Variants in KCNQ1 observed in about 807,000 individuals in gnomAD.
The protein encoded by KCNQ1 is potassium voltage-gated channel subfamily KQT member 1.
A neutral mutation model predicts 72.4 loss-of-function variants in KCNQ1; 49 were observed. The observed-to-expected ratio is 0.68, with a 90% CI of 0.54 to 0.86. The LOEUF is 0.86. KCNQ1 is among the 40% of genes least tolerant of loss of function. The probability of loss-of-function intolerance (pLI) is 0.00; values close to 1 mark genes in which losing one functional copy is unlikely to be tolerated. For missense variants in KCNQ1, 790 were observed against 945.1 expected (o/e 0.84, Z 2.15); for synonymous variants, 450 against 412.6 (o/e 1.09, Z -1.10).
At chr11:2,640,583 G>C in intron 10 of KCNQ1, 1 of 389,526 alleles carries the variant, frequency 2.6e-6, no homozygotes. Flanking sequence ...TTTTTTGACC[G>C]ATACATAATA....
chr11:2,794,979 G>A (rs1847101810), intron 15 of KCNQ1, among the ~76,000 whole-genome samples: 1 of 152,214 alleles, frequency 6.6e-6, no homozygotes, highest in South Asian at 2.1e-4. Context: ...GCTGTGCGGG[G>A]AGGAAGGCAA....
intron 15 of KCNQ1, among the ~76,000 whole-genome samples, chr11:2,800,005 G>A (rs376645749): frequency 6.6e-6 from 1 of 152,208 alleles, no homozygotes; most frequent in Non-Finnish European, 1.5e-5. Flanking sequence ...GGGTGGGGTA[G>A]AAGCATGGTG....
At chr11:2,633,246 G>A in intron 10 of KCNQ1, 1 of 398,410 alleles carries the variant, frequency 2.5e-6, no homozygotes, top group Non-Finnish European at 4.4e-6. Flanking sequence ...GGTGTTTTTT[G>A]CTGTTGAATT....
At chr11:2,534,726 T>C (rs75232433) in intron 2 of KCNQ1, among the ~76,000 whole-genome samples, 3,420 of 152,320 alleles carry the variant, frequency 0.022, 120 homozygotes, top group African/African-American at 0.077. Context: ...GCTACCCAGC[T>C]AAGACCGGTC....
rs1846464177 is a variant in KCNQ1 at position 2,764,682 on chromosome 11, T to C, written c.1515-4162T>C. Among the ~76,000 whole-genome samples the C allele has an allele frequency of 6.6e-6, 1 of 152,246 alleles. No homozygotes were observed. Among genetic ancestry groups the C allele is most frequent in the Admixed American group, 6.5e-5 (1 of 15,292 alleles). On this transcript the variant is annotated intron_variant, in intron 11 of 15. Coordinates refer to ENST00000155840, the MANE Select transcript of KCNQ1 (RefSeq NM_000218.3). This position sits in a 1 kb window ranked among gnomAD's most constrained non-coding sequence, Gnocchi z 4.8. Reference sequence around the variant, plus strand: ...TCATTAAAATTCCAAATTTAACTTATTTAATTAATATTGGGCAATTTGGAT... The same window carrying C: ...TCATTAAAATTCCAAATTTAACTTACTTAATTAATATTGGGCAATTTGGAT...
At chr11:2,577,481 C>T (rs1848439280) in intron 6 of KCNQ1, among the ~76,000 whole-genome samples, 1 of 152,338 alleles carries the variant, frequency 6.6e-6, no homozygotes, top group East Asian at 1.9e-4. Context: ...GCCTGGGTGC[C>T]ATGGGGGTGT....
At position 2,481,660 on chromosome 11, in the gene KCNQ1, AGT is replaced by A. The variant is rs1396099382; in HGVS notation, c.386+36178_386+36179del. Among the ~76,000 whole-genome samples, 2 of 152,294 alleles carry A rather than the reference AGT, an allele frequency of 1.3e-5. No homozygotes were observed. The highest frequency in any genetic ancestry group is 4.8e-5 in the African/African-American group (2 of 41,552). ...CGTGAGCTCTGCCTCCTATCAGATC[AGT>A]GGCGGCATTAGATTCTCACAGGGGT... On this transcript the variant is annotated intron_variant, in intron 1 of 15. Coordinates refer to ENST00000155840, the MANE Select transcript of KCNQ1 (RefSeq NM_000218.3). The surrounding 1 kb of genome is among the most constrained non-coding windows in gnomAD (Gnocchi z 4.6).
At chr11:2,461,418 CCGGGG>C in intron 1 of KCNQ1, 1 of 1,277,024 alleles carries the variant, frequency 7.8e-7, no homozygotes, top group South Asian at 1.2e-5. Flanking sequence ...GGTGAGCCGG[CCGGGG>C]CGGGGGTGGC....
At chr11:2,533,049 C>T (rs973385834) in intron 2 of KCNQ1, among the ~76,000 whole-genome samples, 1 of 152,172 alleles carries the variant, frequency 6.6e-6, no homozygotes, top group Non-Finnish European at 1.5e-5. Context: ...CCTTGGGGAA[C>T]CCAGGAGGGG....
chr11:2,673,085 C>T lies in KCNQ1; in HGVS notation c.1514+11004C>T, dbSNP rs567126346. The T allele has an allele frequency of 5.0e-6, 2 of 398,878 alleles. No individual in the cohort carries two copies. The highest frequency in any genetic ancestry group is 4.4e-5 in the Admixed American group (1 of 22,738). The allele number at this position is 398,878 out of a possible 1,614,324, so 24.7% of individuals were successfully genotyped here. On this transcript the variant is annotated intron_variant, in intron 11 of 15. Transcript: ENST00000155840. This position sits in a 1 kb window ranked among gnomAD's most constrained non-coding sequence, Gnocchi z 4.5. The stretch of plus-strand genomic sequence containing the variant: ...AGTTGGCTTCTCAGGCCACAGTAGG[C>T]CTTCACGGTACTCAGCAGGAGACCC...
chr11:2,685,671 G>A (rs1850475678), intron 11 of KCNQ1: 1 of 398,628 alleles, frequency 2.5e-6, no homozygotes, highest in African/African-American at 2.1e-5. Context: ...AGAAGTTCAG[G>A]GGTCCCATGT....
chr11:2,800,118 G>T (rs1370038947), intron 15 of KCNQ1, among the ~76,000 whole-genome samples: 1 of 152,176 alleles, frequency 6.6e-6, no homozygotes, highest in Non-Finnish European at 1.5e-5. Context: ...ACAGTTCCCA[G>T]GGCTCTGACC....
chr11:2,612,074 A>C lies in KCNQ1; in HGVS notation c.1393+23220A>C, dbSNP rs1589981016. 11 of 398,580 alleles carry C rather than the reference A, an allele frequency of 2.8e-5. No individual in the cohort carries two copies. The East Asian group carries it at 3.6e-4, about 13-fold the overall frequency. The allele number at this position is 398,580 out of a possible 1,614,324, so 24.7% of individuals were successfully genotyped here. ...TATGTTACAACTTAATTACACATAC[A>C]TTGTTACACATCCTGTTAGGACAGG... On this transcript the variant is annotated intron_variant, in intron 10 of 15. Coordinates refer to ENST00000155840, the MANE Select transcript of KCNQ1 (RefSeq NM_000218.3). The surrounding 1 kb of genome is among the most constrained non-coding windows in gnomAD (Gnocchi z 5.5).
At position 2,621,297 on chromosome 11, in the gene KCNQ1, T is replaced by C. The variant is rs1849168289; in HGVS notation, c.1393+32443T>C. ...CTGGCCTCATTATTTGCATTTCTGA[T>C]TATTAGTGATCATGAGAATGTTTTT... On this transcript the variant is annotated intron_variant, in intron 10 of 15. Coordinates refer to ENST00000155840, the MANE Select transcript of KCNQ1 (RefSeq NM_000218.3). This position sits in a 1 kb window ranked among gnomAD's most constrained non-coding sequence, Gnocchi z 5.7. 6 of 398,512 alleles carry C rather than the reference T, an allele frequency of 1.5e-5. No individual in the cohort carries two copies. Among genetic ancestry groups the C allele is most frequent in the Non-Finnish European group, 2.7e-5 (6 of 226,010 alleles). The allele number at this position is 398,512 out of a possible 1,614,324, so 24.7% of individuals were successfully genotyped here. A position where few individuals can be genotyped will look rare whatever the true frequency, so the allele number is the denominator to read the frequency against.
Position 2,700,096 on chromosome 11 carries a change from G to A in KCNQ1, c.1514+38015G>A, listed in dbSNP as rs1456812498. 7.5e-6 allele frequency: 3 copies of A among 397,794 alleles called. No individual in the cohort carries two copies. The Admixed American group carries it at 1.3e-4, about 18-fold the overall frequency. The allele number at this position is 397,794 out of a possible 1,614,324, so 24.6% of individuals were successfully genotyped here. ...CGGCAGCAGGGGAAGGCTTGCGGCG[G>A]GCTGCTGCACGGATTGGCTGGGTGC... On this transcript the variant is annotated intron_variant, in intron 11 of 15. Transcript: ENST00000155840.
chr11:2,485,877 T>G (rs1182282073), intron 1 of KCNQ1, among the ~76,000 whole-genome samples: 2 of 152,248 alleles, frequency 1.3e-5, no homozygotes, highest in Admixed American at 1.3e-4. Flanking sequence ...AATTTCCTTT[T>G]CCTTTTCAAG....
chr11:2,606,424 C>A (rs183198059), intron 10 of KCNQ1, among the ~76,000 whole-genome samples: 3 of 152,066 alleles, frequency 2.0e-5, no homozygotes, highest in Non-Finnish European at 4.4e-5. Flanking sequence ...GTACCATCCC[C>A]GTGGTAATGA....
chr11:2,737,885 A>G (rs1845985833), intron 11 of KCNQ1, among the ~76,000 whole-genome samples: 1 of 152,166 alleles, frequency 6.6e-6, no homozygotes, highest in Non-Finnish European at 1.5e-5. Flanking sequence ...AGTGGGCTGG[A>G]GGCAGGGAAA....
At chr11:2,556,607 GA>G (rs1366055029) in intron 2 of KCNQ1, among the ~76,000 whole-genome samples, 29 of 152,226 alleles carry the variant, frequency 1.9e-4, no homozygotes, top group African/African-American at 6.5e-4. Flanking sequence ...TGGCTTTAGA[GA>G]AAAAGCTTGT....
Sources: allele counts gnomAD v4.1 joint callset (sites outside exome capture counted in the v4.1 genomes callset), GRCh38; gene constraint gnomAD v4.1.1; non-coding constraint Gnocchi (gnomAD v3.1); transcripts MANE v1.5; gene names NCBI Gene and HGNC (gene_info 2026-07-23, HGNC 2026-07-21).